The following KDM4C variants were observed in gnomAD, a reference collection of about 807,000 sequenced individuals.
KDM4C encodes lysine-specific demethylase 4C.
A neutral mutation model predicts 129.3 loss-of-function variants in KDM4C; 81 were observed. That is an observed-to-expected ratio of 0.63 (90% CI 0.52 to 0.75). The LOEUF is 0.75. KDM4C is among the 30% of genes least tolerant of loss of function. KDM4C has a pLI of 0.00. For missense variants in KDM4C, 1,457 were observed against 1,304.0 expected, an observed-to-expected ratio of 1.12 and a Z score of -1.81; for synonymous variants, 573 against 456.1, an observed-to-expected ratio of 1.26 and a Z score of -3.26.
At chr9:7,082,027 C>T (rs1197105486) in intron 17 of KDM4C, among the ~76,000 whole-genome samples, 1 of 152,092 alleles carries the variant, frequency 6.6e-6, no homozygotes, top group Non-Finnish European at 1.5e-5. Context: ...CTGGCCTTTG[C>T]CCCTGTGAAA....
At chr9:6,958,098 T>TTTA (rs56714055) in intron 8 of KDM4C, among the ~76,000 whole-genome samples, 14 of 147,802 alleles carry the variant, frequency 9.5e-5, no homozygotes, top group African/African-American at 2.7e-4. Flanking sequence ...TTTTTTTTTT[T>TTTA]AATAATTGCT....
At chr9:6,898,366 G>A (rs1312297127) in intron 8 of KDM4C, among the ~76,000 whole-genome samples, 2 of 152,032 alleles carry the variant, frequency 1.3e-5, no homozygotes, top group Non-Finnish European at 2.9e-5. Flanking sequence ...CTGAAGCAGT[G>A]TATTTATTAC....
intron 5 of KDM4C, among the ~76,000 whole-genome samples, chr9:6,856,578 G>GTATGTA (rs1391455778): frequency 0.012 from 1,655 of 132,456 alleles, 31 homozygotes; most frequent in African/African-American, 0.045. Context: ...GTGTGTGTGT[G>GTATGTA]TGTATTTTTT....
intron 12 of KDM4C, among the ~76,000 whole-genome samples, chr9:6,994,177 G>A (rs559412301): frequency 2.9e-4 from 44 of 152,224 alleles, no homozygotes; most frequent in South Asian, 6.2e-4. Flanking sequence ...TAATGCCACT[G>A]CTGATCTGAC....
chr9:6,856,539 C>CGTGTGT (rs201267627), intron 5 of KDM4C, among the ~76,000 whole-genome samples: 9,834 of 131,480 alleles, frequency 0.075, 386 homozygotes, highest in East Asian at 0.095. Context: ...TCTCTGTGTG[C>CGTGTGT]GTGTGTGTGT....
intron 1 of KDM4C, among the ~76,000 whole-genome samples, chr9:6,744,196 A>G (rs1275122804): frequency 6.6e-6 from 1 of 152,156 alleles, no homozygotes; most frequent in East Asian, 1.9e-4. Flanking sequence ...ACATAGGAGA[A>G]CTCAGGATCT....
intron 3 of KDM4C, among the ~76,000 whole-genome samples, chr9:6,807,644 G>C (rs540624144): frequency 1.3e-5 from 2 of 149,408 alleles, no homozygotes; most frequent in Admixed American, 6.6e-5. Context: ...CCCTCTGCCT[G>C]GCAACCACCC....
intron 8 of KDM4C, among the ~76,000 whole-genome samples, chr9:6,903,942 C>T (rs1042039667): frequency 2.0e-5 from 3 of 152,072 alleles, no homozygotes; most frequent in Non-Finnish European, 2.9e-5. Flanking sequence ...TCATTCTGTT[C>T]AATATATCTT....
intron 18 of KDM4C, among the ~76,000 whole-genome samples, chr9:7,107,777 G>T (rs1161707895): frequency 6.6e-6 from 1 of 152,114 alleles, no homozygotes; most frequent in East Asian, 1.9e-4. Context: ...ACGCTGTATT[G>T]GTTAATTTAT....
chr9:7,073,031 A>G (rs768421508), intron 17 of KDM4C, among the ~76,000 whole-genome samples: 10 of 152,184 alleles, frequency 6.6e-5, no homozygotes, highest in Non-Finnish European at 1.5e-5. Context: ...AAGAATGTAG[A>G]TGATCAGAGA....
intron 15 of KDM4C, among the ~76,000 whole-genome samples, chr9:7,037,171 C>G (rs569569119): frequency 1.3e-5 from 2 of 152,222 alleles, no homozygotes; most frequent in African/African-American, 4.8e-5. Flanking sequence ...TCAGAGAGCC[C>G]TATTTTACGG....
intron 4 of KDM4C, among the ~76,000 whole-genome samples, chr9:6,836,646 C>T (rs982246736): frequency 2.6e-5 from 4 of 152,112 alleles, no homozygotes; most frequent in African/African-American, 4.8e-5. Flanking sequence ...TATTTTAACA[C>T]AATATGTTTA....
chr9:7,040,057 A>G (rs530891756), intron 15 of KDM4C, among the ~76,000 whole-genome samples: 1 of 152,170 alleles, frequency 6.6e-6, no homozygotes, highest in Admixed American at 6.6e-5. Flanking sequence ...GGCCTTTGTT[A>G]TAAGTGGTTG....
chr9:7,065,504 G>T (rs1832298650), intron 17 of KDM4C, among the ~76,000 whole-genome samples: 1 of 151,988 alleles, frequency 6.6e-6, no homozygotes, highest in South Asian at 2.1e-4. Context: ...AAAAAGTATG[G>T]TCATGAAATA....
intron 17 of KDM4C, among the ~76,000 whole-genome samples, chr9:7,056,485 A>C (rs928023470): frequency 6.6e-6 from 1 of 152,234 alleles, no homozygotes; most frequent in Admixed American, 6.5e-5. Flanking sequence ...TTTGAGTAAA[A>C]TGGAAAATGT....
chr9:7,124,655 G>A (rs1170419898), intron 18 of KDM4C, among the ~76,000 whole-genome samples: 1 of 152,162 alleles, frequency 6.6e-6, no homozygotes, highest in African/African-American at 2.4e-5. Flanking sequence ...TCACCTAGCT[G>A]TTAAAGATTT....
At chr9:6,821,368 C>T (rs369497788) in intron 4 of KDM4C, among the ~76,000 whole-genome samples, 1 of 152,264 alleles carries the variant, frequency 6.6e-6, no homozygotes, top group South Asian at 2.1e-4. Context: ...TTTTCCACAT[C>T]CTCTCCAGCA....
intron 8 of KDM4C, among the ~76,000 whole-genome samples, chr9:6,932,321 T>A (rs1443894784): frequency 1.3e-5 from 2 of 152,154 alleles, no homozygotes; most frequent in African/African-American, 2.4e-5. Flanking sequence ...GGCACAGGGA[T>A]TATTAGTTTC....
chr9:6,993,548 A>G (rs897141487), intron 12 of KDM4C, among the ~76,000 whole-genome samples: 1 of 152,082 alleles, frequency 6.6e-6, no homozygotes, highest in Non-Finnish European at 1.5e-5. Context: ...TTCTGTTGCC[A>G]TTTGTTGATA....
Sources: gnomAD v4.1 joint callset for allele counts (sites outside exome capture counted in the v4.1 genomes callset) on GRCh38, gnomAD v4.1.1 for gene constraint, MANE v1.5 for transcripts, NCBI Gene and HGNC (gene_info 2026-07-23, HGNC 2026-07-21) for gene names.